The following ZNF248 variants were observed in gnomAD, a reference collection of about 807,000 sequenced individuals.
ZNF248 encodes the protein zinc finger protein 248.
A neutral mutation model predicts 44.3 loss-of-function variants in ZNF248; 20 were observed. The observed-to-expected ratio is 0.45, with a 90% CI of 0.32 to 0.66. The LOEUF (loss-of-function observed/expected upper bound fraction) is 0.66, where lower values mean the gene tolerates loss of function less well. Among genes scored for constraint, ZNF248 ranks in the 30% least tolerant of loss-of-function variants. The probability of loss-of-function intolerance (pLI) is 0.04; values close to 1 mark genes in which losing one functional copy is unlikely to be tolerated. For missense variants in ZNF248, 654 were observed against 677.0 expected, an observed-to-expected ratio of 0.97 and a Z score of 0.38; for synonymous variants, 224 against 229.0, an observed-to-expected ratio of 0.98 and a Z score of 0.20.
At chr10:37,807,889 C>A (rs564254333) in intron 6 of ZNF248, among the ~76,000 whole-genome samples, 1 of 151,942 alleles carries the variant, frequency 6.6e-6, no homozygotes, top group Non-Finnish European at 1.5e-5. Flanking sequence ...TTTTTTATTG[C>A]CTAATTGCTC....
chr10:37,849,386 T>C (rs2059842053), intron 3 of ZNF248, among the ~76,000 whole-genome samples: 1 of 151,988 alleles, frequency 6.6e-6, no homozygotes, highest in South Asian at 2.1e-4. Flanking sequence ...ATTTTTTAAA[T>C]ATTTCAAAGA....
Position 37,856,379 on chromosome 10 carries a change from G to A in ZNF248, c.-27-42C>T, listed in dbSNP as rs186360479. On this transcript the variant is annotated intron_variant, in intron 2 of 5. Transcript: ENST00000395867. ...GAAGAATGTCAGGAGAGCCTTCGCC[G>A]GCCTTGCAGTTCGGAGATTCACCTG... 3.7e-6 allele frequency: 6 copies of A among 1,607,260 alleles called. No individual in the cohort carries two copies. The African/African-American group carries it at 4.0e-5, about 11-fold the overall frequency.
At chr10:37,824,146 A>C (rs1326235620), downstream of ZNF248, among the ~76,000 whole-genome samples, 1 of 152,182 alleles carries the variant, frequency 6.6e-6, no homozygotes, top group East Asian at 1.9e-4. Flanking sequence ...TCCAGGCTGA[A>C]GGCTCAAGAC....
rs2055588463 is a variant in ZNF248 at position 37,831,419 on chromosome 10, T to G, written c.*196A>C. On this transcript the variant is annotated 3_prime_UTR_variant, in exon 6 of 6. Transcript: ENST00000395867. ...CAACATAAATTCCAGATAAATATTT[T>G]CACCATATTACTTAGATGAATAGAA... 2.0e-6 allele frequency: 3 copies of G among 1,511,504 alleles called. No homozygotes were observed. Among genetic ancestry groups the G allele is most frequent in the Non-Finnish European group, 2.7e-6 (3 of 1,130,300 alleles). The allele number at this position is 1,511,504 out of a possible 1,614,324, so 93.6% of individuals were successfully genotyped here.
chr10:37,791,964 T>C (rs1339451804), intron 6 of ZNF248: 5 of 152,164 alleles, frequency 3.3e-5, no homozygotes, highest in African/African-American at 4.8e-5. Flanking sequence ...AAAAGGGCCA[T>C]AGGATGGGCA....
intron 3 of ZNF248, among the ~76,000 whole-genome samples, chr10:37,848,283 A>G (rs76804682): frequency 0.037 from 5,617 of 152,026 alleles, 321 homozygotes; most frequent in African/African-American, 0.13. Context: ...TCTCAAAAGA[A>G]AAAAGAAAAA....
rs138904543 is a variant in ZNF248, at chr10:37,833,093, C to T, written c.262G>A (p.Val88Met). ...TCATTTTCCTGGCTGCTCTCTAACA[C>T]GTCATCAACTTTCCATTTCCTTTCT... The part of the protein sequence containing the change: ...HPERKWKVDD[V>M]LESSQENEDD... The change falls in exon 6 of 6, where the codon GTG becomes ATG. Residue 88 changes from valine (V) to methionine (M), a missense_variant. By Grantham distance (21) the Val-to-Met change is conservative (BLOSUM62 1). Coordinates refer to ENST00000395867, the MANE Select transcript of ZNF248 (RefSeq NM_021045.3). 471 of 1,592,590 alleles carry T rather than the reference C, an allele frequency of 3.0e-4. No individual in the cohort carries two copies. Among genetic ancestry groups the T allele is most frequent in the Non-Finnish European group, 3.6e-4 (417 of 1,172,376 alleles).
At chr10:37,777,983 CTG>C (rs2046797003) in intron 6 of ZNF248, among the ~76,000 whole-genome samples, 2 of 151,628 alleles carry the variant, frequency 1.3e-5, no homozygotes, top group South Asian at 4.2e-4. Flanking sequence ...GTGAATAGTG[CTG>C]CAATAAACAT....
chr10:37,781,135 A>G (rs2047270560), intron 6 of ZNF248, among the ~76,000 whole-genome samples: 1 of 152,200 alleles, frequency 6.6e-6, no homozygotes, highest in African/African-American at 2.4e-5. Context: ...GTCCTGGAAT[A>G]TAGGACTACC....
At chr10:37,765,237 G>T in the ZNF248 span, among the ~76,000 whole-genome samples, 1 of 152,164 alleles carries the variant, frequency 6.6e-6, no homozygotes, top group African/African-American at 2.4e-5. Context: ...GATTATAGGT[G>T]TGAGCCACTG....
At chr10:37,794,039 T>C in intron 6 of ZNF248, among the ~76,000 whole-genome samples, 1 of 152,208 alleles carries the variant, frequency 6.6e-6, no homozygotes, top group East Asian at 1.9e-4. Flanking sequence ...AAGGTTTTTT[T>C]TATTGATTTG....
At chr10:37,780,582 A>G (rs2047164138) in intron 6 of ZNF248, among the ~76,000 whole-genome samples, 1 of 152,232 alleles carries the variant, frequency 6.6e-6, no homozygotes, top group Non-Finnish European at 1.5e-5. Flanking sequence ...TCTACAGGTG[A>G]GGACTCCTCG....
At chr10:37,776,856 C>T (rs976459158) in intron 6 of ZNF248, among the ~76,000 whole-genome samples, 2 of 152,138 alleles carry the variant, frequency 1.3e-5, no homozygotes, top group Non-Finnish European at 2.9e-5. Flanking sequence ...GCCATGTGAC[C>T]TTCACCATTT....
intron 3 of ZNF248, 90 bp from the exon 4 acceptor site, chr10:37,838,201 A>C: frequency 7.9e-7 from 1 of 1,269,776 alleles, no homozygotes; most frequent in Non-Finnish European, 1.1e-6. Flanking sequence ...GAGTTTACTA[A>C]AAAATGACAG....
At chr10:37,776,795 C>T (rs184848516) in intron 6 of ZNF248, among the ~76,000 whole-genome samples, 1 of 152,198 alleles carries the variant, frequency 6.6e-6, no homozygotes, top group East Asian at 1.9e-4. Flanking sequence ...CCACCCACTT[C>T]AGTATGATTT....
intron 3 of ZNF248, 73 bp downstream of exon 3, chr10:37,856,223 C>T (rs2061257415): frequency 6.6e-7 from 1 of 1,509,692 alleles, no homozygotes; most frequent in Admixed American, 2.0e-5. Context: ...TTTCCATTTT[C>T]AAAACATAAA....
At chr10:37,779,378 G>A (rs1270759979) in intron 6 of ZNF248, among the ~76,000 whole-genome samples, 11 of 152,172 alleles carry the variant, frequency 7.2e-5, no homozygotes, top group South Asian at 4.1e-4. Flanking sequence ...ATCAATAAAT[G>A]TAATCCAGCA....
At chr10:37,771,446 A>C in the ZNF248 span, among the ~76,000 whole-genome samples, 68 of 152,326 alleles carry the variant, frequency 4.5e-4, no homozygotes, top group African/African-American at 1.5e-3. Context: ...GCAGCCATAA[A>C]AAATGAAGAG....
At chr10:37,820,536 C>G in intron 6 of ZNF248, 1 of 1,602,006 alleles carries the variant, frequency 6.2e-7, no homozygotes, top group Non-Finnish European at 8.5e-7. Context: ...ACTGGTGCAA[C>G]ACTTCTGCCA....
Sources: gnomAD v4.1 joint callset for allele counts (sites outside exome capture counted in the v4.1 genomes callset) on GRCh38, gnomAD v4.1.1 for gene constraint, MANE v1.5 for transcripts, NCBI Gene and HGNC (gene_info 2026-07-23, HGNC 2026-07-21) for gene names.